TNRC18: variants seen among roughly 807,000 people sequenced by gnomAD.
TNRC18 encodes the protein trinucleotide repeat-containing gene 18 protein.
A neutral mutation model predicts 226.7 loss-of-function variants in TNRC18; 69 were observed. That is an observed-to-expected ratio of 0.30 (90% CI 0.25 to 0.37). The LOEUF is 0.37. Among genes scored for constraint, TNRC18 ranks in the 10% least tolerant of loss-of-function variants. TNRC18 has a pLI of 1.00. For missense variants in TNRC18, 4,754 were observed against 4,256.6 expected, an observed-to-expected ratio of 1.12 and a Z score of -3.25; for synonymous variants, 2,449 against 1,927.6, an observed-to-expected ratio of 1.27 and a Z score of -7.09.
chr7:5,308,052 A>C lies in TNRC18; in HGVS notation c.*54T>G. 1 of 1,489,810 alleles carries C rather than the reference A, an allele frequency of 6.7e-7. No homozygotes were observed. Among genetic ancestry groups the C allele is most frequent in the Non-Finnish European group, 9.1e-7 (1 of 1,099,460 alleles). 92.3% of individuals were successfully genotyped at this position (1,489,810 alleles called of 1,614,324 possible). A position where few individuals can be genotyped will look rare whatever the true frequency, so the allele number is the denominator to read the frequency against. The stretch of plus-strand genomic sequence containing the variant: ...GGTCTCCGCGCCATGGCAGTGATGG[A>C]GATGGGTCCCTGGCCGCCCTCGGGG... On this transcript the variant is annotated 3_prime_UTR_variant, in exon 30 of 30. Coordinates refer to ENST00000430969, the MANE Select transcript of TNRC18 (RefSeq NM_001080495.3).
At position 5,355,521 on chromosome 7, in the gene TNRC18, G is replaced by C. The variant is rs1002538792; in HGVS notation, c.5194+1395C>G. Among the ~76,000 whole-genome samples, 201 of 152,322 alleles carry C rather than the reference G, an allele frequency of 1.3e-3. 1 individual carries two copies. Among genetic ancestry groups the C allele is most frequent in the African/African-American group, 4.5e-3 (188 of 41,562 alleles). ...GGTCCCAGCTATTCGGGAGGCTAAA[G>C]TGGGATGCTTGCTTAAGGCCAGGAG... is the stretch of plus-strand genomic sequence containing the variant. On this transcript the variant is annotated intron_variant, in intron 16 of 29. Transcript: ENST00000430969.
At position 5,389,242 on chromosome 7, in the gene TNRC18, G is replaced by A. The variant is rs922977504; in HGVS notation, c.582C>T (p.Ala194=). The part of the protein sequence containing the change: ...RTPGGGHSSG[A]PAKGSSSRDG... ...CCCGCGACGACGAGCCTTTGGCCGG[G>A]GCGCCCGAGGAGTGGCCGCCGCCAG... The change falls in exon 5 of 30, where the codon GCC becomes GCT. Residue 194 remains alanine (A), a synonymous_variant. Coordinates refer to ENST00000430969, the MANE Select transcript of TNRC18 (RefSeq NM_001080495.3). The A allele has an allele frequency of 1.5e-6, 2 of 1,325,742 alleles. No individual in the cohort carries two copies. Among genetic ancestry groups the A allele is most frequent in the East Asian group, 6.3e-5 (2 of 31,898 alleles). The allele number at this position is 1,325,742 out of a possible 1,614,324, so 82.1% of individuals were successfully genotyped here.
rs760349242 is a variant in TNRC18, at chr7:5,376,088, G to A, written c.2745C>T (p.Tyr915=). Residue 915 remains tyrosine (Y), a synonymous_variant, in exon 9 of 30, where the codon TAC becomes TAT. Coordinates refer to ENST00000430969, the MANE Select transcript of TNRC18 (RefSeq NM_001080495.3). The part of the protein sequence containing the change: ...QHFLRQQEFL[Y]LQQQAAQALE... ...AGGCCTGGGCCGCCTGCTGCTGCAG[G>A]TACAGGAACTCCTGCTGCCGCAGGA... 2.3e-5 allele frequency: 36 copies of A among 1,595,390 alleles called. No individual in the cohort carries two copies. The highest frequency in any genetic ancestry group is 2.9e-5 in the Non-Finnish European group (34 of 1,172,280).
rs372074328 is a variant in TNRC18, at chr7:5,313,481, C to T, written c.7410G>A (p.Thr2470=). The T allele has an allele frequency of 7.4e-6, 12 of 1,613,154 alleles. No homozygotes were observed. The highest frequency in any genetic ancestry group is 1.7e-4 in the Middle Eastern group (1 of 5,890). Residue 2470 remains threonine (T), a synonymous_variant, in exon 27 of 30, where the codon ACG becomes ACA. Transcript: ENST00000430969. ...LLVKLDHEGV[T]SPKSKKAKEA... is the part of the protein sequence containing the mutation. ...CTTTAGCCTTCTTGCTTTTGGGTGACGTGACACCCTCGTGGTCCAGTTTGA... is the reference window on the plus strand; with the variant it reads ...CTTTAGCCTTCTTGCTTTTGGGTGATGTGACACCCTCGTGGTCCAGTTTGA...
At chr7:5,346,488 C>T (rs1791212353) in intron 17 of TNRC18, among the ~76,000 whole-genome samples, 1 of 152,080 alleles carries the variant, frequency 6.6e-6, no homozygotes, top group Non-Finnish European at 1.5e-5. Context: ...AAGAGTGAGA[C>T]TCAGTCTCAA....
rs1200466056 is a variant in TNRC18 at position 5,394,844 on chromosome 7, G to A, written c.188-249C>T. 6.6e-6 allele frequency among the ~76,000 whole-genome samples: 1 copy of A among 152,030 alleles called. No individual in the cohort carries two copies. Among genetic ancestry groups the A allele is most frequent in the East Asian group, 1.9e-4 (1 of 5,162 alleles). On this transcript the variant is annotated intron_variant, in intron 2 of 29. Transcript: ENST00000430969. This position sits in a 1 kb window ranked among gnomAD's most constrained non-coding sequence, Gnocchi z 4.5. ...ATACGGCAGGAAGCCCCCCACAGCA[G>A]ACCCTCAGCCCTGGGCACCCCGCAC... is the stretch of plus-strand genomic sequence containing the variant.
chr7:5,324,357 T>A lies in TNRC18; in HGVS notation c.6301-2A>T. The A allele has an allele frequency of 6.2e-7, 1 of 1,613,230 alleles. No individual in the cohort carries two copies. The highest frequency in any genetic ancestry group is 8.5e-7 in the Non-Finnish European group (1 of 1,179,702). ...CACGGCACCCCCCTTGCCGCGGTTC[T>A]GGGGACAGAACATGGCCGACAAATG... is the stretch of plus-strand genomic sequence containing the variant. On this transcript the variant is annotated splice_acceptor_variant, in intron 20 of 29. Transcript: ENST00000430969. LOFTEE classifies it high-confidence loss of function. The surrounding 1 kb of genome is among the most constrained non-coding windows in gnomAD (Gnocchi z 4.8).
rs972372199 is a variant in TNRC18, at chr7:5,360,410, A to T, written c.4662-841T>A. 2.6e-5 allele frequency among the ~76,000 whole-genome samples: 4 copies of T among 151,972 alleles called. No homozygotes were observed. The East Asian group carries it at 5.8e-4, about 22-fold the overall frequency. ...ACACCTGGCTAATTTTTGTATTTTT[A>T]GTAAAGAAGGGGTTTCTCCATGTTG... On this transcript the variant is annotated intron_variant, in intron 14 of 29. Transcript: ENST00000430969.
intron 8 of TNRC18, 111 bp downstream of exon 8, chr7:5,376,736 G>A (rs1779002981): frequency 1.5e-6 from 2 of 1,353,800 alleles, no homozygotes; most frequent in South Asian, 2.7e-5. Context: ...CGCCTCCCCA[G>A]CCCCAGATCT....
chr7:5,391,834 TTA>T (rs1491488291), intron 3 of TNRC18, among the ~76,000 whole-genome samples: 5 of 115,422 alleles, frequency 4.3e-5, no homozygotes, highest in African/African-American at 1.5e-4. Flanking sequence ...CCATCTCTAT[TTA>T]AAAAAAAAAA....
rs371167375 is a variant in TNRC18 at position 5,315,006 on chromosome 7, T to C, written c.7005A>G (p.Lys2335=). 2.5e-6 allele frequency: 4 copies of C among 1,607,356 alleles called. No homozygotes were observed. In the African/African-American group the frequency reaches 5.4e-5, roughly 22 times the overall value. The change falls in exon 26 of 30, where the codon AAA becomes AAG. Residue 2335 remains lysine (K), a synonymous_variant. Transcript: ENST00000430969. ...PGAKARGRGR[K]PSAKAKGDRA... ...TACCACCCTTGGCCTTGGCGCTGGG[T>C]TTCCGCCCACGCCCACGGGCCTTGG...
rs1455967708 is a variant in TNRC18 at position 5,389,146 on chromosome 7, G to A, written c.678C>T (p.Arg226=). 2 of 1,320,758 alleles carry A rather than the reference G, an allele frequency of 1.5e-6. No individual in the cohort carries two copies. Among genetic ancestry groups the A allele is most frequent in the East Asian group, 3.7e-5 (1 of 27,314 alleles). 81.8% of individuals were successfully genotyped at this position (1,320,758 alleles called of 1,614,324 possible). Residue 226 remains arginine, a synonymous_variant, in exon 5 of 30, where the codon CGC becomes CGT. Coordinates refer to ENST00000430969, the MANE Select transcript of TNRC18 (RefSeq NM_001080495.3). ...PPPLFGKKDP[R]ARGEEASGPR... is the part of the protein sequence containing the mutation. ...GCCCCGAGGCCTCCTCGCCCCGGGC[G>A]CGCGGGTCCTTCTTGCCGAAAAGCG...
chr7:5,357,164 G>A lies in TNRC18; in HGVS notation c.4946C>T (p.Ser1649Leu). Residue 1649 changes from serine to leucine, a missense_variant, in exon 16 of 30, where the codon TCG becomes TTG. By Grantham distance (145) the Ser-to-Leu change is moderately radical. Transcript: ENST00000430969. ...TTTCGATTTCCCCCCAGCACTGTCCGAAAACTTGAAGGGCGACTTCAACTT... is the reference window on the plus strand; with the variant it reads ...TTTCGATTTCCCCCCAGCACTGTCCAAAAACTTGAAGGGCGACTTCAACTT... ...QDKLKSPFKF[S>L]DSAGGKSKTS... 17 of 1,595,258 alleles carry A rather than the reference G, an allele frequency of 1.1e-5. No homozygotes were observed. The highest frequency in any genetic ancestry group is 6.8e-5 in the South Asian group (6 of 87,980).
Position 5,388,312 on chromosome 7 carries a change from G to T in TNRC18, c.1512C>A (p.Thr504=). ...AGGGTTTCCATTTATGCTCAGGGCC[G>T]GTGGGCGGGGGGCGCCCGGGCTCCA... ...FGLEPGRPPP[T]GPEHKWKPFE... Residue 504 remains threonine (T), a synonymous_variant, in exon 5 of 30, where the codon ACC becomes ACA. Coordinates refer to ENST00000430969, the MANE Select transcript of TNRC18 (RefSeq NM_001080495.3). The T allele has an allele frequency of 6.2e-7, 1 of 1,604,406 alleles. No homozygotes were observed. Among genetic ancestry groups the T allele is most frequent in the Non-Finnish European group, 8.5e-7 (1 of 1,176,680 alleles).
rs899009725 is a variant in TNRC18, at chr7:5,307,930, A to G, written c.*176T>C. 2.4e-5 allele frequency: 15 copies of G among 625,564 alleles called. No homozygotes were observed. The highest frequency in any genetic ancestry group is 3.9e-5 in the Non-Finnish European group (14 of 358,288). The allele number at this position is 625,564 out of a possible 1,614,324, so 38.8% of individuals were successfully genotyped here. A position where few individuals can be genotyped will look rare whatever the true frequency, so the allele number is the denominator to read the frequency against. On this transcript the variant is annotated 3_prime_UTR_variant, in exon 30 of 30. Transcript: ENST00000430969. ...GCTGGAGGCATGTGCACATGCGTGC[A>G]CACACGTGCATGCACACACACTCAC...
At position 5,351,951 on chromosome 7, in the gene TNRC18, T is replaced by C. The variant is rs548208580; in HGVS notation, c.5338A>G (p.Arg1780Gly). 1 of 1,613,924 alleles carries C rather than the reference T, an allele frequency of 6.2e-7. No individual in the cohort carries two copies. The highest frequency in any genetic ancestry group is 2.2e-5 in the East Asian group (1 of 44,874). The change falls in exon 17 of 30, where the codon AGG becomes GGG. Residue 1780 changes from arginine (R) to glycine (G), a missense_variant. Transcript: ENST00000430969. ...AGAGTCCGGGGGGCCGCCAGGCCCC[T>C]CTTGGTCAGCTTGGGGCCACCAGCT... ...KAAGGPKLTKRGLAAPRTLKP... is the reference protein window; with the variant it reads ...KAAGGPKLTKGGLAAPRTLKP...
intron 15 of TNRC18, among the ~76,000 whole-genome samples, chr7:5,358,802 ACT>A (rs1043583939): frequency 1.3e-5 from 2 of 151,430 alleles, no homozygotes; most frequent in African/African-American, 4.8e-5. Flanking sequence ...TGACTGAGTG[ACT>A]CTGTCTCAAA....
chr7:5,345,528 C>CCCCCCCCCCCCCCCCCCCCCCAA, intron 18 of TNRC18, 34 bp downstream of exon 18: 2 of 534,160 alleles, frequency 3.7e-6, no homozygotes, highest in Non-Finnish European at 5.4e-6. Flanking sequence ...CCCCTCCCAC[C>CCCCCCCCCCCCCCCCCCCCCCAA]CACCCCCACC....
rs781301297 is a variant in TNRC18, at chr7:5,316,039, A to G, written c.6779T>C (p.Ile2260Thr). 6.2e-7 allele frequency: 1 copy of G among 1,609,132 alleles called. No homozygotes were observed. Reference sequence around the variant, plus strand: ...GTCTCCGTCGTCAAACTCCACGGTGATCAAGTCCCCATCGTCCTCCAGGTC... The same window carrying G: ...GTCTCCGTCGTCAAACTCCACGGTGGTCAAGTCCCCATCGTCCTCCAGGTC... ...LLDLEDDGDL[I>T]TVEFDDGDTG... The change falls in exon 25 of 30, where the codon ATC (isoleucine) becomes ACC (threonine). Residue 2260 changes from isoleucine to threonine, a missense_variant. Ile to Thr is a moderately conservative substitution (Grantham distance 89). Coordinates refer to ENST00000430969, the MANE Select transcript of TNRC18 (RefSeq NM_001080495.3).
Sources: allele counts gnomAD v4.1 joint callset (sites outside exome capture counted in the v4.1 genomes callset), GRCh38; gene constraint gnomAD v4.1.1; non-coding constraint Gnocchi (gnomAD v3.1); transcripts MANE v1.5; gene names NCBI Gene and HGNC (gene_info 2026-07-23, HGNC 2026-07-21).